Variants in SLC11A1 observed in about 807,000 individuals in gnomAD.
SLC11A1 encodes natural resistance-associated macrophage protein 1.
In SLC11A1, 59 loss-of-function variants were observed where a neutral mutation model predicts 63.2. The observed-to-expected ratio is 0.93, with a 90% CI of 0.76 to 1.16. The LOEUF (loss-of-function observed/expected upper bound fraction) is 1.16, where lower values mean the gene tolerates loss of function less well. Ranked by LOEUF, SLC11A1 falls within the 50% of genes most tolerant of loss-of-function variation. SLC11A1 has a pLI of 0.00. For missense variants in SLC11A1, 688 were observed against 730.7 expected, an observed-to-expected ratio of 0.94 and a Z score of 0.67; for synonymous variants, 305 against 307.8, an observed-to-expected ratio of 0.99 and a Z score of 0.09.
At position 218,396,486 on chromosome 2, in the gene SLC11A1, C is replaced by G. The variant is rs1438525275; in HGVS notation, c.*1451C>G. 3.3e-5 allele frequency: 5 copies of G among 152,450 alleles called. No homozygotes were observed. The highest frequency in any genetic ancestry group is 5.9e-5 in the Non-Finnish European group (4 of 68,100). 9.4% of individuals were successfully genotyped at this position (152,450 alleles called of 1,614,324 possible). The stretch of plus-strand genomic sequence containing the variant: ...AACCCCCGATTTCCTGGGGACCCAG[C>G]AGGGCAGGCGGCCTGGCTCCGCGCT... On this transcript the variant is annotated 3_prime_UTR_variant, in exon 15 of 15. Coordinates refer to ENST00000233202, the MANE Select transcript of SLC11A1 (RefSeq NM_000578.4).
At chr2:218,387,485 C>T (rs3731863) in intron 6 of SLC11A1, 80 bp from the exon 7 acceptor site, 91,061 of 1,426,706 alleles carry the variant, frequency 0.064, 3,367 homozygotes, top group African/African-American at 0.13. Flanking sequence ...TAGAAGCGCT[C>T]GTAGTATTAG....
At chr2:218,385,779 G>A (rs1435433560) in intron 4 of SLC11A1, among the ~76,000 whole-genome samples, 2 of 152,180 alleles carry the variant, frequency 1.3e-5, no homozygotes, top group Admixed American at 1.3e-4. Flanking sequence ...TTTCACAGAA[G>A]GGGTAATTAA....
At chr2:218,387,072 G>A in intron 5 of SLC11A1, 88 bp from the exon 6 acceptor site, 2 of 1,236,686 alleles carry the variant, frequency 1.6e-6, no homozygotes, top group Non-Finnish European at 2.4e-6. Flanking sequence ...CTCCCAGGAG[G>A]CCAGATTCCT....
At position 218,386,532 on chromosome 2, in the gene SLC11A1, A is replaced by T. The variant is rs1041231655; in HGVS notation, c.394-103A>T. 6 of 762,770 alleles carry T rather than the reference A, an allele frequency of 7.9e-6. No individual in the cohort carries two copies. The African/African-American group carries it at 1.0e-4, about 13-fold the overall frequency. The allele number at this position is 762,770 out of a possible 1,614,324, so 47.3% of individuals were successfully genotyped here. A position where few individuals can be genotyped will look rare whatever the true frequency, so the allele number is the denominator to read the frequency against. ...ACATAAGGTAGGAAGCCCATTGGCC[A>T]GACTGTCTAGTAAATGTAGTCTGAG... is the stretch of plus-strand genomic sequence containing the variant. On this transcript the variant is annotated intron_variant, in intron 4 of 14. Coordinates refer to ENST00000233202, the MANE Select transcript of SLC11A1 (RefSeq NM_000578.4).
rs372038044 is a variant in SLC11A1 at position 218,392,996 on chromosome 2, C to T, written c.1180C>T (p.Arg394Trp). The change falls in exon 12 of 15, where the codon CGG becomes TGG. Residue 394 changes from arginine to tryptophan, a missense_variant. Coordinates refer to ENST00000233202, the MANE Select transcript of SLC11A1 (RefSeq NM_000578.4). ...CCCACCCCAGGGCTTCCTGAGGCTGCGGTGGTCACGCTTCGCCCGTGTCCT... is the reference window on the plus strand; with the variant it reads ...CCCACCCCAGGGCTTCCTGAGGCTGTGGTGGTCACGCTTCGCCCGTGTCCT... ...QFVMEGFLRL[R>W]WSRFARVLLT... is the part of the protein sequence containing the mutation. 1.8e-5 allele frequency: 28 copies of T among 1,592,032 alleles called. No homozygotes were observed. The highest frequency in any genetic ancestry group is 2.3e-5 in the South Asian group (2 of 88,176).
At chr2:218,386,559 C>T (rs1326858910) in intron 4 of SLC11A1, 76 bp from the exon 5 acceptor site, 6 of 1,004,398 alleles carry the variant, frequency 6.0e-6, no homozygotes, top group South Asian at 2.7e-5. Flanking sequence ...TAGTCTGAGA[C>T]GACAGACAAA....
intron 1 of SLC11A1, among the ~76,000 whole-genome samples, 194 bp from the exon 2 acceptor site, chr2:218,382,766 A>G (rs1323307041): frequency 6.6e-6 from 1 of 152,206 alleles, no homozygotes; most frequent in African/African-American, 2.4e-5. Flanking sequence ...ATGAGAGGAC[A>G]GTAATTCTGA....
At chr2:218,387,362 T>A (rs998587803) in intron 6 of SLC11A1, 132 bp downstream of exon 6, 1 of 1,000,754 alleles carries the variant, frequency 1.0e-6, no homozygotes, top group Non-Finnish European at 1.5e-6. Flanking sequence ...TCTAGCGAGT[T>A]ACTTGGACGT....
At chr2:218,389,733 T>C (rs1696318368) in intron 8 of SLC11A1, 137 bp from the exon 9 acceptor site, 2 of 823,454 alleles carry the variant, frequency 2.4e-6, no homozygotes, top group Non-Finnish European at 3.7e-6. Flanking sequence ...TCGGCTGACC[T>C]GAACCTGCCC....
rs1343429819 is a variant in SLC11A1, at chr2:218,395,512, G to A, written c.*477G>A. The A allele has an allele frequency of 6.4e-6, 1 of 155,460 alleles. No homozygotes were observed. The highest frequency in any genetic ancestry group is 1.4e-5 in the Non-Finnish European group (1 of 69,914). 9.6% of individuals were successfully genotyped at this position (155,460 alleles called of 1,614,324 possible). ...GAAAGGGTCTCCCTCTGTTGCCAAG[G>A]CTGGAGTGCAGTGGCGCAATCTTAA... On this transcript the variant is annotated 3_prime_UTR_variant, in exon 15 of 15. Transcript: ENST00000233202.
In SLC11A1 at chr2:218,384,358, G is replaced by A. The variant is rs563187923; in HGVS notation, c.266G>A (p.Gly89Glu). Residue 89 changes from glycine to glutamate, a missense_variant, in exon 3 of 15, where the codon GGA (glycine) becomes GAA (glutamate). By Grantham distance (98) the Gly-to-Glu change is moderately conservative. Coordinates refer to ENST00000233202, the MANE Select transcript of SLC11A1 (RefSeq NM_000578.4). This position sits in a 1 kb window ranked among gnomAD's most constrained non-coding sequence, Gnocchi z 4.0. The part of the protein sequence containing the change: ...ESDLQAGAVA[G>E]FKLLWVLLWA... ...GATCTTCAGGCTGGCGCCGTGGCGG[G>A]ATTCAAAGTAACTAAGTCGGGACCT... is the stretch of plus-strand genomic sequence containing the variant. 4 of 1,602,548 alleles carry A rather than the reference G, an allele frequency of 2.5e-6. No individual in the cohort carries two copies. The South Asian group carries it at 4.4e-5, about 18-fold the overall frequency.
intron 9 of SLC11A1, among the ~76,000 whole-genome samples, chr2:218,390,370 G>T (rs894997113): frequency 1.3e-5 from 2 of 152,088 alleles, no homozygotes; most frequent in Non-Finnish European, 2.9e-5. Context: ...TGGGGGTGGG[G>T]TCTGCATTAG....
intron 9 of SLC11A1, among the ~76,000 whole-genome samples, chr2:218,390,694 A>T (rs970953947): frequency 1.3e-5 from 2 of 152,132 alleles, no homozygotes; most frequent in Non-Finnish European, 2.9e-5. Context: ...GGAGATCAAC[A>T]TCAGGACTGC....
rs753940872 is a variant in SLC11A1 at position 218,387,973 on chromosome 2, G to A, written c.795+18G>A. ...TGGTCAAGGTGAGCAGAGGGGAGGGGAAAGGAGACCCCCTCACTCAGTCGG... is the reference window on the plus strand; with the variant it reads ...TGGTCAAGGTGAGCAGAGGGGAGGGAAAAGGAGACCCCCTCACTCAGTCGG... On this transcript the variant is annotated intron_variant, in intron 8 of 14. Coordinates refer to ENST00000233202, the MANE Select transcript of SLC11A1 (RefSeq NM_000578.4). 5.1e-6 allele frequency: 8 copies of A among 1,582,568 alleles called. No individual in the cohort carries two copies. In the Admixed American group the frequency reaches 5.2e-5, roughly 10 times the overall value.
intron 8 of SLC11A1, 146 bp from the exon 9 acceptor site, chr2:218,389,724 C>T (rs916170629): frequency 1.5e-5 from 11 of 713,790 alleles, no homozygotes; most frequent in Middle Eastern, 6.3e-4. Context: ...AGGAAACCAT[C>T]GGCTGACCTG....
Position 218,396,289 on chromosome 2 carries a change from G to A in SLC11A1, c.*1254G>A, listed in dbSNP as rs1424050571. ...CTGGGCACCCATTCGCCCCATTCAG[G>A]GGCTGCACTTTATAGACGTTCCCTA... On this transcript the variant is annotated 3_prime_UTR_variant, in exon 15 of 15. Coordinates refer to ENST00000233202, the MANE Select transcript of SLC11A1 (RefSeq NM_000578.4). The A allele has an allele frequency of 1.3e-5, 2 of 152,378 alleles. No homozygotes were observed. The highest frequency in any genetic ancestry group is 2.9e-5 in the Non-Finnish European group (2 of 68,102). 9.4% of individuals were successfully genotyped at this position (152,378 alleles called of 1,614,324 possible).
chr2:218,388,004 T>C, intron 8 of SLC11A1, 49 bp downstream of exon 8: 3 of 1,504,360 alleles, frequency 2.0e-6, no homozygotes, highest in Non-Finnish European at 2.7e-6. Context: ...GTCGGAGCCA[T>C]GCTGGCTCCG....
At position 218,387,481 on chromosome 2, in the gene SLC11A1, C is replaced by T. The variant is rs189419645; in HGVS notation, c.572-84C>T. 1.8e-5 allele frequency: 25 copies of T among 1,391,246 alleles called. No homozygotes were observed. In the African/African-American group the frequency reaches 2.9e-4, roughly 16 times the overall value. The allele number at this position is 1,391,246 out of a possible 1,614,324, so 86.2% of individuals were successfully genotyped here. On this transcript the variant is annotated intron_variant, in intron 6 of 14. Coordinates refer to ENST00000233202, the MANE Select transcript of SLC11A1 (RefSeq NM_000578.4). Reference sequence around the variant, plus strand: ...AAGCACTTGGCACTGTGCCTAGAAGCGCTCGTAGTATTAGCCATTACGAAT... The same window carrying T: ...AAGCACTTGGCACTGTGCCTAGAAGTGCTCGTAGTATTAGCCATTACGAAT...
At position 218,395,098 on chromosome 2, in the gene SLC11A1, G is replaced by A; in HGVS notation, c.*63G>A. 3 of 1,295,316 alleles carry A rather than the reference G, an allele frequency of 2.3e-6. No individual in the cohort carries two copies. The South Asian group carries it at 3.8e-5, about 16-fold the overall frequency. 80.2% of individuals were successfully genotyped at this position (1,295,316 alleles called of 1,614,324 possible). On this transcript the variant is annotated 3_prime_UTR_variant, in exon 15 of 15. Coordinates refer to ENST00000233202, the MANE Select transcript of SLC11A1 (RefSeq NM_000578.4). ...CGTGACTGGCCTGCTGGATGTGGAG[G>A]GGGCGCGTGCAGGCAGCAGGATAGA...
Sources: allele counts gnomAD v4.1 joint callset (sites outside exome capture counted in the v4.1 genomes callset), GRCh38; gene constraint gnomAD v4.1.1; non-coding constraint Gnocchi (gnomAD v3.1); transcripts MANE v1.5; gene names NCBI Gene and HGNC (gene_info 2026-07-23, HGNC 2026-07-21).